NTRK3: variants seen among roughly 807,000 people sequenced by gnomAD.
The protein encoded by NTRK3 is neurotrophic receptor tyrosine kinase 3.
NTRK3 carries 24 observed loss-of-function variants against 91.7 expected under a neutral mutation model. The observed-to-expected ratio is 0.26, with a 90% confidence interval of 0.19 to 0.37. The LOEUF is 0.37. Among genes scored for constraint, NTRK3 ranks in the 10% least tolerant of loss-of-function variants. The pLI is 1.00. For missense variants in NTRK3, 880 were observed against 1,068.9 expected, an observed-to-expected ratio of 0.82 and a Z score of 2.46; for synonymous variants, 483 against 404.0, an observed-to-expected ratio of 1.20 and a Z score of -2.34.
At chr15:87,885,240 G>A (rs2065472327) in intron 17 of NTRK3, among the ~76,000 whole-genome samples, 2 of 151,894 alleles carry the variant, frequency 1.3e-5, no homozygotes, top group Non-Finnish European at 3.0e-5. Context: ...TAAATGCATT[G>A]AAAAACATAA....
intron 6 of NTRK3, chr15:88,143,914 T>C (rs887017664): frequency 6.6e-6 from 1 of 152,228 alleles, no homozygotes; most frequent in African/African-American, 2.4e-5. Context: ...TTTAATCATG[T>C]CTGCTCCATG....
intron 13 of NTRK3, among the ~76,000 whole-genome samples, chr15:88,104,606 T>TTG: frequency 6.6e-6 from 1 of 152,296 alleles, no homozygotes; most frequent in Admixed American, 6.5e-5. Flanking sequence ...TTACTTCAAA[T>TTG]TGTGTGTGTG....
At chr15:87,892,561 C>T (rs2065904149) in intron 17 of NTRK3, among the ~76,000 whole-genome samples, 1 of 151,804 alleles carries the variant, frequency 6.6e-6, no homozygotes, top group South Asian at 2.1e-4. Flanking sequence ...TTTTATATTC[C>T]TCAAAAATTG....
intron 18 of NTRK3, among the ~76,000 whole-genome samples, chr15:87,878,766 G>C (rs1165456205): frequency 1.3e-5 from 2 of 152,196 alleles, no homozygotes; most frequent in Non-Finnish European, 2.9e-5. Context: ...AGAAGAAACT[G>C]CAAACACCCT....
chr15:87,875,836 C>G (rs1261097043), exon 19 of NTRK3: 1 of 232,494 alleles, frequency 4.3e-6, no homozygotes, highest in Non-Finnish European at 8.5e-6. Context: ...GGTCTAGGAT[C>G]TAGGGAAGCA....
At chr15:87,957,487 A>C (rs760373878) in intron 14 of NTRK3, among the ~76,000 whole-genome samples, 11 of 152,204 alleles carry the variant, frequency 7.2e-5, no homozygotes, top group Admixed American at 6.5e-4. Flanking sequence ...CTCATCTGCA[A>C]AATGGACTCA....
At chr15:88,224,210 C>G (rs2050482270) in intron 3 of NTRK3, among the ~76,000 whole-genome samples, 1 of 152,196 alleles carries the variant, frequency 6.6e-6, no homozygotes. Context: ...AAGTTCAGAT[C>G]AGGATGCTCC....
intron 13 of NTRK3, among the ~76,000 whole-genome samples, chr15:88,038,917 A>G (rs543849845): frequency 8.5e-4 from 130 of 152,230 alleles, no homozygotes; most frequent in African/African-American, 3.0e-3. Flanking sequence ...TAGCCCCTCT[A>G]GGGGAGGAAG....
Position 88,048,105 on chromosome 15 carries a change from G to A in NTRK3, c.1397-15060C>T, listed in dbSNP as rs191525116. ...ATAAATATCATTTGATGACAACGAC[G>A]CAGCCATTGATTTTCCACTCCCTCT... On this transcript the variant is annotated intron_variant, in intron 13 of 18. Coordinates refer to ENST00000394480, the Ensembl canonical transcript of NTRK3. 1.6e-4 allele frequency among the ~76,000 whole-genome samples: 25 copies of A among 152,240 alleles called. 1 individual carries two copies. Among genetic ancestry groups the A allele is most frequent in the South Asian group, 1.2e-3 (6 of 4,814 alleles).
intron 9 of NTRK3, 81 bp downstream of exon 9, chr15:88,135,818 G>T: frequency 6.4e-7 from 1 of 1,564,998 alleles, no homozygotes. Context: ...GCTCACCCCT[G>T]ACAACACCTT....
chr15:87,884,418 T>G (rs1217048432), intron 17 of NTRK3, among the ~76,000 whole-genome samples: 1 of 151,730 alleles, frequency 6.6e-6, no homozygotes, highest in Non-Finnish European at 1.5e-5. Flanking sequence ...TTATTTATAC[T>G]TTTTCAAAGC....
intron 13 of NTRK3, among the ~76,000 whole-genome samples, chr15:88,091,138 G>A (rs1567379552): frequency 6.6e-6 from 1 of 152,108 alleles, no homozygotes; most frequent in African/African-American, 2.4e-5. Context: ...ATGCTAAATT[G>A]GGAACCCGTT....
chr15:88,010,382 T>C (rs979370193), intron 14 of NTRK3, among the ~76,000 whole-genome samples: 1 of 152,208 alleles, frequency 6.6e-6, no homozygotes, highest in African/African-American at 2.4e-5. Flanking sequence ...GGTGAATTCA[T>C]TCTCAAGGCT....
intron 14 of NTRK3, among the ~76,000 whole-genome samples, chr15:87,991,175 T>C (rs1397753157): frequency 6.6e-6 from 1 of 152,190 alleles, no homozygotes; most frequent in Admixed American, 6.5e-5. Flanking sequence ...GCTCCCTTTC[T>C]TTCTGTTGGC....
intron 6 of NTRK3, among the ~76,000 whole-genome samples, chr15:88,137,876 C>T (rs888055138): frequency 6.6e-6 from 1 of 152,228 alleles, no homozygotes; most frequent in Non-Finnish European, 1.5e-5. Context: ...CATGGTGAAA[C>T]CCCGTCTCTA....
At chr15:87,950,303 G>T (rs1455294100) in intron 14 of NTRK3, among the ~76,000 whole-genome samples, 1 of 152,210 alleles carries the variant, frequency 6.6e-6, no homozygotes. Flanking sequence ...GGAGACCAGA[G>T]GATCCCAGTC....
At chr15:88,220,400 T>C (rs902900832) in intron 3 of NTRK3, among the ~76,000 whole-genome samples, 1 of 151,654 alleles carries the variant, frequency 6.6e-6, no homozygotes, top group African/African-American at 2.4e-5. Flanking sequence ...CAGCCCCCAA[T>C]GGGGCCTGCT....
Position 88,219,321 on chromosome 15 carries a change from G to A in NTRK3, c.249-35022C>T, listed in dbSNP as rs16941468. ...GTGGCTGTTTGGGTACAACTGGGCT[G>A]TCTACTAGGAAACTGACAGCCCCCT... is the stretch of plus-strand genomic sequence containing the variant. On this transcript the variant is annotated intron_variant, in intron 3 of 18. Coordinates refer to ENST00000394480, the Ensembl canonical transcript of NTRK3. Among the ~76,000 whole-genome samples the A allele has an allele frequency of 0.013, 1,996 of 152,356 alleles. 97 individuals carry two copies. In the South Asian group the frequency reaches 0.13, roughly 10 times the overall value.
intron 13 of NTRK3, among the ~76,000 whole-genome samples, chr15:88,062,533 C>A (rs529706299): frequency 2.6e-4 from 40 of 152,262 alleles, no homozygotes; most frequent in African/African-American, 9.4e-4. Context: ...AATGCTGATG[C>A]AATGGCTGGA....
Sources: gnomAD v4.1 joint callset for allele counts (sites outside exome capture counted in the v4.1 genomes callset) on GRCh38, gnomAD v4.1.1 for gene constraint, MANE v1.5 for transcripts, NCBI Gene and HGNC (gene_info 2026-07-23, HGNC 2026-07-21) for gene names.